The following UNC13B variants were observed in gnomAD, a reference collection of about 807,000 sequenced individuals.
UNC13B encodes the protein protein unc-13 homolog B.
UNC13B carries 144 observed loss-of-function variants against 211.0 expected under a neutral mutation model. The ratio of observed to expected loss-of-function variants is 0.68; its 90% CI spans 0.60 to 0.78. The LOEUF is 0.78. Ranked by LOEUF, UNC13B falls within the 30% of genes least tolerant of loss-of-function variation. The probability of loss-of-function intolerance (pLI) is 0.00; values close to 1 mark genes in which losing one functional copy is unlikely to be tolerated. For missense variants in UNC13B, 1,777 were observed against 2,002.0 expected (o/e 0.89, Z 2.14); for synonymous variants, 709 against 725.8 (o/e 0.98, Z 0.37).
At chr9:35,165,782 A>T (rs1279467945) in intron 1 of UNC13B, among the ~76,000 whole-genome samples, 1 of 152,210 alleles carries the variant, frequency 6.6e-6, no homozygotes. Context: ...AAATATTTCC[A>T]TAAGTATAAA....
At chr9:35,329,491 A>AT (rs112246958) in intron 11 of UNC13B, among the ~76,000 whole-genome samples, 22,678 of 144,652 alleles carry the variant, frequency 0.16, 2,073 homozygotes, top group Admixed American at 0.26. Context: ...GCATTGTGAG[A>AT]TTTTTTTTTT....
intron 7 of UNC13B, among the ~76,000 whole-genome samples, chr9:35,283,623 G>A (rs1828629719): frequency 6.6e-6 from 1 of 152,082 alleles, no homozygotes; most frequent in African/African-American, 2.4e-5. Context: ...AAGATCCTGG[G>A]TGGGAAGAAA....
rs753313931 is a variant in UNC13B, at chr9:35,389,943, A to G, written c.11192A>G (p.Asp3731Gly). 6.2e-7 allele frequency: 1 copy of G among 1,614,142 alleles called. No homozygotes were observed. Among genetic ancestry groups the G allele is most frequent in the Non-Finnish European group, 8.5e-7 (1 of 1,180,004 alleles). ...ITLIVSIIEE[D>G]KNSYTPVLNQ... is the part of the protein sequence containing the mutation. The stretch of plus-strand genomic sequence containing the variant: ...CTCATCGTGTCAATCATAGAGGAAG[A>G]TAAGAATTCCTACACACCTGTTCTG... Residue 3731 changes from aspartate (D) to glycine (G), a missense_variant, in exon 25 of 40, where the codon GAT (aspartate) becomes GGT (glycine). By Grantham distance (94) the Asp-to-Gly change is moderately conservative. Coordinates refer to ENST00000635942, the MANE Select transcript of UNC13B (RefSeq NM_001371189.2).
chr9:35,338,511 A>G (rs1456610403), intron 11 of UNC13B, among the ~76,000 whole-genome samples: 2 of 152,136 alleles, frequency 1.3e-5, no homozygotes, highest in African/African-American at 4.8e-5. Flanking sequence ...TCTGCTGCAT[A>G]TGCTTTCTCC....
At chr9:35,274,944 T>C (rs930277263) in intron 7 of UNC13B, among the ~76,000 whole-genome samples, 1 of 152,228 alleles carries the variant, frequency 6.6e-6, no homozygotes, top group African/African-American at 2.4e-5. Flanking sequence ...TTGGAGCTTT[T>C]TGTTCAGTGT....
chr9:35,230,470 C>CAAA (rs765330072), intron 2 of UNC13B, among the ~76,000 whole-genome samples: 8 of 50,166 alleles, frequency 1.6e-4, no homozygotes, highest in Admixed American at 3.8e-4. Context: ...GACTCTGTCT[C>CAAA]AAAAAAAAAA....
intron 1 of UNC13B, among the ~76,000 whole-genome samples, chr9:35,226,513 A>G (rs1240643473): frequency 3.3e-5 from 5 of 152,220 alleles, no homozygotes; most frequent in Admixed American, 3.3e-4. Context: ...CTGGGAAGCC[A>G]GTCCGAGTCC....
intron 1 of UNC13B, among the ~76,000 whole-genome samples, chr9:35,185,695 G>T (rs531155875): frequency 6.6e-6 from 1 of 151,894 alleles, no homozygotes; most frequent in South Asian, 2.1e-4. Flanking sequence ...CGAGGTGGGC[G>T]GATCACTTGA....
At chr9:35,308,663 G>A (rs1038661761) in intron 9 of UNC13B, among the ~76,000 whole-genome samples, 7 of 152,150 alleles carry the variant, frequency 4.6e-5, no homozygotes, top group Non-Finnish European at 1.0e-4. Flanking sequence ...AGCAAAAGCT[G>A]GGCCCCCGAT....
chr9:35,352,193 T>A, intron 11 of UNC13B: 1 of 1,232,206 alleles, frequency 8.1e-7, no homozygotes, highest in Admixed American at 4.2e-5. Context: ...CATTCTGTAT[T>A]TGTACGGACT....
chr9:35,366,879 G>A (rs986216911), intron 11 of UNC13B, 68 bp from the exon 12 acceptor site: 16 of 1,367,026 alleles, frequency 1.2e-5, no homozygotes, highest in African/African-American at 1.0e-4. Context: ...TCTACTGCTC[G>A]CTGCTCAGAT....
intron 1 of UNC13B, among the ~76,000 whole-genome samples, chr9:35,194,260 G>T (rs10814213): frequency 6.6e-6 from 1 of 152,046 alleles, no homozygotes; most frequent in Non-Finnish European, 1.5e-5. Flanking sequence ...GTAAAACTTC[G>T]CTCACATAGC....
chr9:35,360,156 C>T (rs72725034), intron 11 of UNC13B, among the ~76,000 whole-genome samples: 242 of 152,332 alleles, frequency 1.6e-3, no homozygotes, highest in Middle Eastern at 3.4e-3. Flanking sequence ...TCAGTGAGGC[C>T]GCCCTAACAA....
intron 7 of UNC13B, among the ~76,000 whole-genome samples, chr9:35,266,329 C>T (rs778924233): frequency 1.2e-4 from 18 of 152,272 alleles, no homozygotes; most frequent in Admixed American, 2.0e-4. Flanking sequence ...CAATCCTCTG[C>T]GGCCATTTAT....
intron 1 of UNC13B, among the ~76,000 whole-genome samples, chr9:35,169,530 C>T (rs770183745): frequency 6.6e-6 from 1 of 152,200 alleles, no homozygotes; most frequent in Non-Finnish European, 1.5e-5. Flanking sequence ...TCATCTCCTT[C>T]CCCCATCCTG....
At chr9:35,346,306 C>T (rs2132038308) in intron 11 of UNC13B, among the ~76,000 whole-genome samples, 1 of 152,172 alleles carries the variant, frequency 6.6e-6, no homozygotes, top group South Asian at 2.1e-4. Flanking sequence ...CGAGTCCTGG[C>T]CTTTTCCCAG....
In UNC13B at chr9:35,399,529, G is replaced by C. The variant is rs1024678898; in HGVS notation, c.12255+81G>C. ...GAGGGTGGCTGCGGGGAAGGAAATT[G>C]GAGCTTTGGAGACTGAAGAGGAAAA... On this transcript the variant is annotated intron_variant, in intron 35 of 39. Transcript: ENST00000635942. 3.7e-6 allele frequency: 6 copies of C among 1,606,102 alleles called. No homozygotes were observed. The Admixed American group carries it at 6.7e-5, about 18-fold the overall frequency.
chr9:35,377,722 A>G, intron 16 of UNC13B, 27 bp downstream of exon 16: 1 of 1,607,494 alleles, frequency 6.2e-7, no homozygotes, highest in Non-Finnish European at 8.5e-7. Context: ...TTGAGGGGAC[A>G]GGAAGGCCTG....
intron 1 of UNC13B, among the ~76,000 whole-genome samples, chr9:35,163,374 G>A (rs1820876918): frequency 6.6e-6 from 1 of 152,240 alleles, no homozygotes; most frequent in Admixed American, 6.5e-5. Context: ...ACTGGCAGAT[G>A]AAACTGCTTT....
Sources: gnomAD v4.1 joint callset for allele counts (sites outside exome capture counted in the v4.1 genomes callset) on GRCh38, gnomAD v4.1.1 for gene constraint, MANE v1.5 for transcripts, NCBI Gene and HGNC (gene_info 2026-07-23, HGNC 2026-07-21) for gene names.